The following GRK3 variants were observed in gnomAD, a reference collection of about 807,000 sequenced individuals.
GRK3 encodes adrenergic, beta, receptor kinase 2.
In GRK3, 54 loss-of-function variants were observed where a neutral mutation model predicts 95.7. The ratio of observed to expected loss-of-function variants is 0.56; its 90% CI spans 0.45 to 0.71. The LOEUF is 0.71. Ranked by LOEUF, GRK3 falls within the 30% of genes least tolerant of loss-of-function variation. GRK3 has a pLI of 0.00. For synonymous variants in GRK3, 281 were observed against 290.8 expected (o/e 0.97, Z 0.34); for missense variants, 649 against 851.2 (o/e 0.76, Z 2.96).
intron 1 of GRK3, among the ~76,000 whole-genome samples, chr22:25,591,018 C>T (rs1001673874): frequency 8.6e-5 from 13 of 152,040 alleles, no homozygotes; most frequent in Non-Finnish European, 1.6e-4. Flanking sequence ...AGCAGAGACC[C>T]CCTCCCCACT....
chr22:25,648,732 C>T (rs934475306), intron 3 of GRK3: 3 of 1,091,060 alleles, frequency 2.7e-6, no homozygotes, highest in African/African-American at 3.1e-5. Context: ...GGTTGATATG[C>T]CTGCTCAGAT....
chr22:25,590,796 T>C (rs1381120341), intron 1 of GRK3, among the ~76,000 whole-genome samples: 1 of 152,148 alleles, frequency 6.6e-6, no homozygotes, highest in Non-Finnish European at 1.5e-5. Context: ...AGAGCGATAC[T>C]GCGTCTCAAA....
intron 1 of GRK3, among the ~76,000 whole-genome samples, chr22:25,585,139 G>A (rs1254581858): frequency 3.3e-5 from 5 of 152,270 alleles, no homozygotes; most frequent in South Asian, 2.1e-4. Flanking sequence ...TGCCTGCCTC[G>A]CTATAGGGCC....
At chr22:25,625,399 A>G (rs1372284859) in intron 2 of GRK3, among the ~76,000 whole-genome samples, 3 of 152,210 alleles carry the variant, frequency 2.0e-5, no homozygotes, top group Non-Finnish European at 4.4e-5. Flanking sequence ...AAGAGTGCGA[A>G]CTTTCTGTTA....
chr22:25,607,318 C>T lies in GRK3; in HGVS notation c.190+2865C>T, dbSNP rs1404331013. Among the ~76,000 whole-genome samples the T allele has an allele frequency of 4.0e-5, 6 of 151,754 alleles. No homozygotes were observed. The South Asian group carries it at 6.2e-4, about 16-fold the overall frequency. On this transcript the variant is annotated intron_variant, in intron 2 of 20. Coordinates refer to ENST00000324198, the MANE Select transcript of GRK3 (RefSeq NM_005160.4). ...CATGATTCTTAGTGTACTCTAATAC[C>T]GAGTTTATTGTCAAATTTCTCTGAT...
At chr22:25,641,624 T>C (rs1305739759) in intron 2 of GRK3, among the ~76,000 whole-genome samples, 1 of 152,122 alleles carries the variant, frequency 6.6e-6, no homozygotes, top group Admixed American at 6.5e-5. Context: ...ACAGTGAGAA[T>C]GAATGAGAAT....
At chr22:25,712,902 G>A (rs767428645) in intron 17 of GRK3, among the ~76,000 whole-genome samples, 1 of 152,214 alleles carries the variant, frequency 6.6e-6, no homozygotes, top group African/African-American at 2.4e-5. Context: ...TCCTGCTCCC[G>A]TGAGAGCTGA....
intron 3 of GRK3, chr22:25,648,377 G>T: frequency 2.3e-6 from 3 of 1,314,338 alleles, no homozygotes; most frequent in Admixed American, 1.7e-5. Context: ...GTCCAACTGT[G>T]AAACCTCAGA....
Position 25,672,289 on chromosome 22 carries a change from CT to C in GRK3, c.504-3del. ...AACTTTTTAGTAATTATTTTATTCTCTTTTAGTGACAAGTTCACTAGATTTT... is the reference window on the plus strand; with the variant it reads ...AACTTTTTAGTAATTATTTTATTCTCTTTAGTGACAAGTTCACTAGATTTT... On this transcript the variant is annotated splice_region_variant and splice_polypyrimidine_tract_variant and intron_variant, in intron 6 of 20. Transcript: ENST00000324198. The C allele has an allele frequency of 7.4e-7, 1 of 1,347,914 alleles. No homozygotes were observed. The highest frequency in any genetic ancestry group is 2.0e-4 in the Middle Eastern group (1 of 4,942). The allele number at this position is 1,347,914 out of a possible 1,614,324, so 83.5% of individuals were successfully genotyped here.
intron 1 of GRK3, among the ~76,000 whole-genome samples, chr22:25,599,149 G>T (rs2084391527): frequency 6.6e-6 from 1 of 152,106 alleles, no homozygotes; most frequent in Non-Finnish European, 1.5e-5. Flanking sequence ...AAGTTTTTGT[G>T]ACCTTGGGTT....
At chr22:25,664,988 G>A (rs2084932574) in intron 5 of GRK3, among the ~76,000 whole-genome samples, 1 of 152,216 alleles carries the variant, frequency 6.6e-6, no homozygotes, top group South Asian at 2.1e-4. Flanking sequence ...CTGGATAGTA[G>A]TGGGTTATAA....
chr22:25,625,980 C>T (rs192331690), intron 2 of GRK3, among the ~76,000 whole-genome samples: 32 of 152,144 alleles, frequency 2.1e-4, no homozygotes, highest in Non-Finnish European at 1.5e-4. Context: ...GCCAGACATC[C>T]GGGGCCACTA....
At chr22:25,678,329 C>T (rs750751104) in intron 8 of GRK3, among the ~76,000 whole-genome samples, 1 of 152,102 alleles carries the variant, frequency 6.6e-6, no homozygotes, top group Non-Finnish European at 1.5e-5. Context: ...GTGGCGGGCG[C>T]CTGTAGTCCC....
At chr22:25,589,087 A>G (rs1415700838) in intron 1 of GRK3, among the ~76,000 whole-genome samples, 10 of 152,230 alleles carry the variant, frequency 6.6e-5, no homozygotes, top group African/African-American at 2.4e-4. Context: ...TTTAGAAAAC[A>G]CTGTTTTACA....
intron 2 of GRK3, among the ~76,000 whole-genome samples, chr22:25,612,582 G>GT (rs1409675649): frequency 1.3e-5 from 2 of 151,954 alleles, no homozygotes; most frequent in African/African-American, 2.4e-5. Context: ...AATAAAAAGA[G>GT]TTTTACTTCT....
intron 2 of GRK3, among the ~76,000 whole-genome samples, chr22:25,626,817 C>A (rs564519922): frequency 2.0e-5 from 3 of 152,328 alleles, no homozygotes; most frequent in African/African-American, 7.2e-5. Context: ...CTATCGTCTG[C>A]CCCCAGTGGG....
intron 17 of GRK3, 93 bp downstream of exon 17, chr22:25,711,256 T>C: frequency 1.4e-6 from 1 of 727,168 alleles, no homozygotes. Flanking sequence ...AATATTGGGC[T>C]GTTTATAGTA....
rs1489081394 is a variant in GRK3 at position 25,604,454 on chromosome 22, G to A, written c.190+1G>A. Reference sequence around the variant, plus strand: ...GACAAGATTTTCAATCAGAAAATTGGTAAGTCCTGCTTGTTCATTTGGCAT... The same window carrying A: ...GACAAGATTTTCAATCAGAAAATTGATAAGTCCTGCTTGTTCATTTGGCAT... On this transcript the variant is annotated splice_donor_variant, in intron 2 of 20. Coordinates refer to ENST00000324198, the MANE Select transcript of GRK3 (RefSeq NM_005160.4). LOFTEE classifies it high-confidence loss of function. 1.2e-6 allele frequency: 2 copies of A among 1,606,836 alleles called. No individual in the cohort carries two copies. Among genetic ancestry groups the A allele is most frequent in the Non-Finnish European group, 1.7e-6 (2 of 1,175,422 alleles).
At chr22:25,663,080 A>T (rs2084919882) in intron 4 of GRK3, among the ~76,000 whole-genome samples, 1 of 152,120 alleles carries the variant, frequency 6.6e-6, no homozygotes, top group Non-Finnish European at 1.5e-5. Flanking sequence ...CAACCCCATT[A>T]TCAGTTTGTT....
Sources: gnomAD v4.1 joint callset for allele counts (sites outside exome capture counted in the v4.1 genomes callset) on GRCh38, gnomAD v4.1.1 for gene constraint, MANE v1.5 for transcripts, NCBI Gene and HGNC (gene_info 2026-07-23, HGNC 2026-07-21) for gene names.